The following RASSF5 variants were observed in gnomAD, a reference collection of about 807,000 sequenced individuals.
The protein encoded by RASSF5 is Ras association domain family member 5.
RASSF5 carries 25 observed loss-of-function variants against 40.5 expected under a neutral mutation model. The observed-to-expected ratio is 0.62, with a 90% confidence interval of 0.45 to 0.86. RASSF5 has a LOEUF of 0.86. Ranked by LOEUF, RASSF5 falls within the 40% of genes least tolerant of loss-of-function variation. The pLI is 0.00. For synonymous variants in RASSF5, 246 were observed against 252.4 expected (o/e 0.97, Z 0.24); for missense variants, 521 against 572.8 (o/e 0.91, Z 0.92).
chr1:206,550,718 TCCCTTGC>T (rs782620470), intron 2 of RASSF5, among the ~76,000 whole-genome samples: 12 of 152,238 alleles, frequency 7.9e-5, no homozygotes, highest in Non-Finnish European at 1.5e-4. Context: ...TAACATAGTT[TCCCTTGC>T]CCCTATGGTG....
Position 206,538,345 on chromosome 1 carries a change from C to CG in RASSF5, c.579+55dup, listed in dbSNP as rs559901190. ...CTGGGAACAGCCTCTGCAGGTGCCC[C>CG]GGGCTCCACTTTCTCTCCCAGGAGC... is the stretch of plus-strand genomic sequence containing the variant. On this transcript the variant is annotated intron_variant, in intron 2 of 5. Transcript: ENST00000579436. 8,966 of 1,603,100 alleles carry CG rather than the reference C, an allele frequency of 5.6e-3. 69 individuals carry two copies. The highest frequency in any genetic ancestry group is 0.016 in the South Asian group (1,493 of 90,544).
At chr1:206,578,295 T>A (rs114822994) in intron 2 of RASSF5, among the ~76,000 whole-genome samples, 1 of 151,782 alleles carries the variant, frequency 6.6e-6, no homozygotes, top group East Asian at 1.9e-4. Context: ...CCAGATAGTA[T>A]AGTGTTGCCT....
intron 1 of RASSF5, among the ~76,000 whole-genome samples, chr1:206,524,284 A>G (rs1264473702): frequency 5.7e-5 from 8 of 140,636 alleles, no homozygotes; most frequent in Admixed American, 5.3e-4. Flanking sequence ...TACATTTTAT[A>G]TATATTATAG....
chr1:206,547,001 T>G (rs1479532223), intron 2 of RASSF5, among the ~76,000 whole-genome samples: 1 of 152,158 alleles, frequency 6.6e-6, no homozygotes, highest in Non-Finnish European at 1.5e-5. Flanking sequence ...CTAGGCACAG[T>G]GGCTCACACC....
At chr1:206,551,588 A>G (rs782579050) in intron 2 of RASSF5, among the ~76,000 whole-genome samples, 3 of 152,234 alleles carry the variant, frequency 2.0e-5, no homozygotes, top group African/African-American at 2.4e-5. Flanking sequence ...GCCCACGCCA[A>G]TGTATTTCTG....
intron 2 of RASSF5, among the ~76,000 whole-genome samples, chr1:206,541,219 A>G (rs1553399335): frequency 6.6e-6 from 1 of 152,204 alleles, no homozygotes; most frequent in African/African-American, 2.4e-5. Flanking sequence ...AGGAAAGAAA[A>G]TCATTTATTT....
intron 1 of RASSF5, among the ~76,000 whole-genome samples, chr1:206,524,886 C>T (rs1255531258): frequency 6.6e-6 from 1 of 151,370 alleles, no homozygotes; most frequent in Non-Finnish European, 1.5e-5. Flanking sequence ...CACACACACA[C>T]ATGCACAGGG....
At chr1:206,586,733 G>A (rs1289210846) in intron 5 of RASSF5, 93 bp from the exon 6 acceptor site, 1 of 949,686 alleles carries the variant, frequency 1.1e-6, no homozygotes, top group African/African-American at 1.6e-5. Context: ...TGTGAACTGG[G>A]AAGGGGAAGG....
At chr1:206,538,407 C>A in intron 2 of RASSF5, 114 bp downstream of exon 2, 1 of 1,385,412 alleles carries the variant, frequency 7.2e-7, no homozygotes, top group Non-Finnish European at 1.0e-6. Flanking sequence ...CCTCAGATTC[C>A]ACATGCACTG....
intron 2 of RASSF5, among the ~76,000 whole-genome samples, chr1:206,556,212 A>T (rs1161152922): frequency 6.6e-6 from 1 of 152,208 alleles, no homozygotes; most frequent in Non-Finnish European, 1.5e-5. Context: ...TCTGTACATG[A>T]CAGTGACTGG....
chr1:206,584,021 C>T lies in RASSF5; in HGVS notation c.691-366C>T, dbSNP rs1669002781. Among the ~76,000 whole-genome samples the T allele has an allele frequency of 6.6e-6, 1 of 152,152 alleles. No individual in the cohort carries two copies. The highest frequency in any genetic ancestry group is 1.5e-5 in the Non-Finnish European group (1 of 68,034). ...GTTCTCCAAGGCCCTCATTATAGAG[C>T]CTTCCTGCTTCCTGCCTGGTTCAGA... On this transcript the variant is annotated intron_variant, in intron 3 of 5. Transcript: ENST00000579436. This position sits in a 1 kb window ranked among gnomAD's most constrained non-coding sequence, Gnocchi z 4.9.
intron 1 of RASSF5, among the ~76,000 whole-genome samples, chr1:206,533,749 T>C (rs1553398254): frequency 6.6e-6 from 1 of 151,912 alleles, no homozygotes; most frequent in African/African-American, 2.4e-5. Flanking sequence ...AGTGAGACCC[T>C]GTCTTAAAAA....
intron 1 of RASSF5, among the ~76,000 whole-genome samples, chr1:206,519,905 A>C (rs1297378800): frequency 6.6e-6 from 1 of 152,220 alleles, no homozygotes; most frequent in Non-Finnish European, 1.5e-5. Flanking sequence ...ATCCTAATAC[A>C]TACTGTGACC....
At chr1:206,544,087 C>G (rs1391712016) in intron 2 of RASSF5, 2 of 152,196 alleles carry the variant, frequency 1.3e-5, no homozygotes, top group African/African-American at 4.8e-5. Context: ...TAAATGTTTT[C>G]TTAAAACACA....
chr1:206,583,335 G>A lies in RASSF5; in HGVS notation c.646G>A (p.Asp216Asn), dbSNP rs782785296. The change falls in exon 3 of 6, where the codon GAC becomes AAC. Residue 216 changes from aspartate to asparagine, a missense_variant. Physicochemically the swap from Asp to Asn is conservative, Grantham distance 23 (BLOSUM62 1). Coordinates refer to ENST00000579436, the MANE Select transcript of RASSF5 (RefSeq NM_182663.4). Reference protein sequence around the residue: ...PTLQEIKQKIDSYNTREKNCL... With the variant: ...PTLQEIKQKINSYNTREKNCL... ...ACTGCAGGAGATCAAGCAGAAGATC[G>A]ACAGCTACAACACGCGAGAGAAGAA... The A allele has an allele frequency of 3.7e-5, 59 of 1,613,332 alleles. No individual in the cohort carries two copies. Among genetic ancestry groups the A allele is most frequent in the Non-Finnish European group, 4.7e-5 (55 of 1,179,716 alleles).
At chr1:206,540,857 A>AG (rs1200700168) in intron 2 of RASSF5, among the ~76,000 whole-genome samples, 23 of 151,962 alleles carry the variant, frequency 1.5e-4, no homozygotes, top group African/African-American at 4.4e-4. Flanking sequence ...TATATGGCTT[A>AG]GGGGGGTCTC....
rs1669153548 is a variant in RASSF5 at position 206,587,216 on chromosome 1, C to T, written c.*238C>T. ...GCCAAGGATCAGAACTCATGTGAAACAAACAGCTGACGTCCTCTCTCGATC... is the reference window on the plus strand; with the variant it reads ...GCCAAGGATCAGAACTCATGTGAAATAAACAGCTGACGTCCTCTCTCGATC... On this transcript the variant is annotated 3_prime_UTR_variant, in exon 6 of 6. Transcript: ENST00000579436. 1 of 491,502 alleles carries T rather than the reference C, an allele frequency of 2.0e-6. No individual in the cohort carries two copies. Among genetic ancestry groups the T allele is most frequent in the South Asian group, 2.0e-5 (1 of 49,258 alleles). 30.4% of individuals were successfully genotyped at this position (491,502 alleles called of 1,614,324 possible). A position where few individuals can be genotyped will look rare whatever the true frequency, so the allele number is the denominator to read the frequency against.
At chr1:206,558,939 C>T (rs1342548775) in intron 2 of RASSF5, among the ~76,000 whole-genome samples, 1 of 152,146 alleles carries the variant, frequency 6.6e-6, no homozygotes, top group African/African-American at 2.4e-5. Flanking sequence ...GTCCCACCCT[C>T]CCGTGGGGTT....
intron 2 of RASSF5, among the ~76,000 whole-genome samples, chr1:206,567,974 T>C (rs893927262): frequency 7.2e-5 from 11 of 152,236 alleles, no homozygotes; most frequent in African/African-American, 2.2e-4. Flanking sequence ...GATCCTGAAG[T>C]TGGACCCAAG....
Sources: allele counts gnomAD v4.1 joint callset (sites outside exome capture counted in the v4.1 genomes callset), GRCh38; gene constraint gnomAD v4.1.1; non-coding constraint Gnocchi (gnomAD v3.1); transcripts MANE v1.5; gene names NCBI Gene and HGNC (gene_info 2026-07-23, HGNC 2026-07-21).